The following GTF3C1 variants were observed in gnomAD, a reference collection of about 807,000 sequenced individuals.
GTF3C1 encodes the protein general transcription factor 3C polypeptide 1.
A neutral mutation model predicts 226.7 loss-of-function variants in GTF3C1; 57 were observed. The observed-to-expected ratio is 0.25, with a 90% CI of 0.20 to 0.31. GTF3C1 has a LOEUF of 0.31. GTF3C1 is among the 10% of genes least tolerant of loss of function. The pLI, the probability that GTF3C1 is intolerant of heterozygous loss-of-function variation, is 1.00. For missense variants in GTF3C1, 2,217 were observed against 2,776.1 expected, an observed-to-expected ratio of 0.80 and a Z score of 4.53; for synonymous variants, 1,090 against 1,084.8, an observed-to-expected ratio of 1.00 and a Z score of -0.09.
chr16:27,483,987 C>G (rs2088096632), intron 25 of GTF3C1, among the ~76,000 whole-genome samples: 1 of 152,212 alleles, frequency 6.6e-6, no homozygotes, highest in African/African-American at 2.4e-5. Context: ...ACCTACTTCT[C>G]ATGGCCGCTA....
chr16:27,533,099 C>T (rs1490690198), intron 5 of GTF3C1, among the ~76,000 whole-genome samples, 192 bp downstream of exon 5: 8 of 152,126 alleles, frequency 5.3e-5, no homozygotes, highest in African/African-American at 1.7e-4. Context: ...ACCACCGCAC[C>T]CCAGCCAGGG....
In GTF3C1 at chr16:27,538,359, G is replaced by A; in HGVS notation, c.432-3C>T. 2.0e-6 allele frequency: 3 copies of A among 1,509,178 alleles called. No homozygotes were observed. The highest frequency in any genetic ancestry group is 2.5e-5 in the South Asian group (2 of 80,118). The allele number at this position is 1,509,178 out of a possible 1,614,324, so 93.5% of individuals were successfully genotyped here. ...CGATGATCAGTTTCTTCCCCCACCT[G>A]CAAATCGGAAACAATCGCATGAAGA... On this transcript the variant is annotated splice_polypyrimidine_tract_variant and splice_region_variant and intron_variant, in intron 2 of 36. Coordinates refer to ENST00000356183, the MANE Select transcript of GTF3C1 (RefSeq NM_001520.4).
intron 24 of GTF3C1, 29 bp from the exon 25 acceptor site, chr16:27,484,382 A>T: frequency 6.4e-7 from 1 of 1,565,002 alleles, no homozygotes; most frequent in Non-Finnish European, 8.8e-7. Context: ...CAAGACAAAA[A>T]GTCAGTATCC....
Position 27,538,315 on chromosome 16 carries a change from C to T in GTF3C1, c.473G>A (p.Arg158Gln). 6.3e-7 allele frequency: 1 copy of T among 1,594,614 alleles called. No individual in the cohort carries two copies. The highest frequency in any genetic ancestry group is 2.2e-5 in the East Asian group (1 of 44,560). ...KLIIVASQAM[R>Q]YRALIGQEGD... ...CTCCTGGCCTATCAAGGCCCTGTAC[C>T]GCATGGCCTGGGAGGCAACGATGAT... is the stretch of plus-strand genomic sequence containing the variant. The change falls in exon 3 of 37, where the codon CGG (arginine) becomes CAG (glutamine). Residue 158 changes from arginine to glutamine, a missense_variant. Transcript: ENST00000356183.
rs757258017 is a variant in GTF3C1 at position 27,483,457 on chromosome 16, TA to T, written c.4002-333del. The T allele has an allele frequency of 2.8e-5, 14 of 497,318 alleles. 1 individual carries two copies. The highest frequency in any genetic ancestry group is 2.2e-4 in the South Asian group (14 of 64,928). The allele number at this position is 497,318 out of a possible 1,614,324, so 30.8% of individuals were successfully genotyped here. On this transcript the variant is annotated intron_variant, in intron 25 of 36. Transcript: ENST00000356183. ...CCTATGTGAAAGTGCATCACACATT[TA>T]AAAACATCAAACAGGCTTTGGGGTT...
chr16:27,535,853 A>G (rs139410597), intron 4 of GTF3C1, among the ~76,000 whole-genome samples: 317 of 152,308 alleles, frequency 2.1e-3, no homozygotes, highest in African/African-American at 7.2e-3. Flanking sequence ...CGTCTCAAAA[A>G]AAAAAAAGGT....
chr16:27,515,264 G>C (rs983338732), intron 6 of GTF3C1, among the ~76,000 whole-genome samples: 1 of 152,136 alleles, frequency 6.6e-6, no homozygotes, highest in Non-Finnish European at 1.5e-5. Flanking sequence ...GGGCAACAGA[G>C]CAAGACTTCA....
chr16:27,525,387 CA>C (rs1221363766), intron 6 of GTF3C1, among the ~76,000 whole-genome samples: 1 of 152,176 alleles, frequency 6.6e-6, no homozygotes, highest in African/African-American at 2.4e-5. Flanking sequence ...CACATTTACT[CA>C]GCACTGAGAA....
At chr16:27,479,741 T>C (rs909601485) in intron 27 of GTF3C1, among the ~76,000 whole-genome samples, 8 of 152,126 alleles carry the variant, frequency 5.3e-5, no homozygotes, top group African/African-American at 1.9e-4. Context: ...ACTGCTGGGA[T>C]GATGGGTGTT....
intron 5 of GTF3C1, among the ~76,000 whole-genome samples, chr16:27,530,945 G>A (rs1480375833): frequency 1.3e-5 from 2 of 152,098 alleles, no homozygotes; most frequent in African/African-American, 2.4e-5. Flanking sequence ...CACTCACCAC[G>A]TCCTGTTAGT....
intron 6 of GTF3C1, among the ~76,000 whole-genome samples, chr16:27,516,317 C>A (rs1019687989): frequency 6.6e-6 from 1 of 152,228 alleles, no homozygotes; most frequent in Admixed American, 6.5e-5. Context: ...CAATAGGCAT[C>A]ATCAGCCCCA....
intron 27 of GTF3C1, among the ~76,000 whole-genome samples, chr16:27,480,073 C>T (rs1424028647): frequency 6.6e-6 from 1 of 151,750 alleles, no homozygotes; most frequent in Non-Finnish European, 1.5e-5. Flanking sequence ...TGGTGGCGGG[C>T]GCCTGTAGTC....
Position 27,506,044 on chromosome 16 carries a change from C to T in GTF3C1, c.1625G>A (p.Arg542Lys), listed in dbSNP as rs976657784. ...PPSFPGAAEE[R>K]ACQSLASRDS... The stretch of plus-strand genomic sequence containing the variant: ...CCTGCTGGCAAGGCTCTGGCAGGCT[C>T]TCTCTTCAGCAGCTCCTGGGAAGGA... Residue 542 changes from arginine to lysine, a missense_variant, in exon 10 of 37, where the codon AGA becomes AAA. Transcript: ENST00000356183. The T allele has an allele frequency of 1.2e-6, 2 of 1,613,956 alleles. No homozygotes were observed. Among genetic ancestry groups the T allele is most frequent in the Admixed American group, 1.7e-5 (1 of 60,026 alleles).
At chr16:27,493,900 CAAT>C (rs2088270553) in intron 16 of GTF3C1, among the ~76,000 whole-genome samples, 1 of 149,806 alleles carries the variant, frequency 6.7e-6, no homozygotes, top group Non-Finnish European at 1.5e-5. Flanking sequence ...AAAGCACAGA[CAAT>C]AAAAGAGTGA....
intron 14 of GTF3C1, among the ~76,000 whole-genome samples, chr16:27,496,725 CTTAT>C (rs1473200757): frequency 3.3e-5 from 5 of 152,298 alleles, no homozygotes; most frequent in Non-Finnish European, 5.9e-5. Flanking sequence ...TTTAAAGGGG[CTTAT>C]TTCTTTGTTG....
intron 6 of GTF3C1, among the ~76,000 whole-genome samples, chr16:27,525,646 C>T (rs1043121388): frequency 1.3e-5 from 2 of 152,222 alleles, no homozygotes; most frequent in Admixed American, 6.5e-5. Context: ...TTGACAAATA[C>T]GCCTGCCTAC....
chr16:27,472,614 G>A (rs755069618), intron 29 of GTF3C1, among the ~76,000 whole-genome samples: 10 of 152,156 alleles, frequency 6.6e-5, no homozygotes, highest in Non-Finnish European at 1.3e-4. Context: ...CTGGCCTCAC[G>A]TCCCCCAACA....
Position 27,463,220 on chromosome 16 carries a change from A to G in GTF3C1, c.5924+321T>C. On this transcript the variant is annotated intron_variant, in intron 35 of 36. Transcript: ENST00000356183. This position sits in a 1 kb window ranked among gnomAD's most constrained non-coding sequence, Gnocchi z 4.9. ...CTCTGTGGACCCCTGGCTCATCTGC[A>G]GGAGTGGGTGAGGTGCCTGTGGGCC... 2.5e-6 allele frequency: 1 copy of G among 397,608 alleles called. No individual in the cohort carries two copies. Among genetic ancestry groups the G allele is most frequent in the Admixed American group, 4.4e-5 (1 of 22,476 alleles). 24.6% of individuals were successfully genotyped at this position (397,608 alleles called of 1,614,324 possible).
At chr16:27,472,204 C>G (rs1463028663) in intron 29 of GTF3C1, among the ~76,000 whole-genome samples, 3 of 152,146 alleles carry the variant, frequency 2.0e-5, no homozygotes, top group Non-Finnish European at 4.4e-5. Context: ...TATTCACTCC[C>G]AAGCCGATTT....
Sources: gnomAD v4.1 joint callset for allele counts (sites outside exome capture counted in the v4.1 genomes callset) on GRCh38, gnomAD v4.1.1 for gene constraint, Gnocchi (gnomAD v3.1) non-coding constraint, MANE v1.5 for transcripts, NCBI Gene and HGNC (gene_info 2026-07-23, HGNC 2026-07-21) for gene names.